ERBB4: variants seen among roughly 807,000 people sequenced by gnomAD.
ERBB4 encodes the protein receptor tyrosine-protein kinase erbB-4.
Under a neutral mutation model 158.0 loss-of-function variants are expected in ERBB4, and 42 were observed. The observed-to-expected ratio is 0.27, with a 90% CI of 0.21 to 0.34. The LOEUF is 0.34. Among genes scored for constraint, ERBB4 ranks in the 10% least tolerant of loss-of-function variants. The pLI, the probability that ERBB4 is intolerant of heterozygous loss-of-function variation, is 1.00. For missense variants in ERBB4, 1,333 were observed against 1,624.1 expected (o/e 0.82, Z 3.08); for synonymous variants, 583 against 558.7 (o/e 1.04, Z -0.61).
At chr2:212,176,232 T>C (rs1463583505) in intron 1 of ERBB4, among the ~76,000 whole-genome samples, 1 of 151,972 alleles carries the variant, frequency 6.6e-6, no homozygotes, top group Non-Finnish European at 1.5e-5. Context: ...GAAGCTGTTA[T>C]AACCAAATGT....
At chr2:211,575,742 T>C (rs1460347223) in intron 19 of ERBB4, among the ~76,000 whole-genome samples, 1 of 152,118 alleles carries the variant, frequency 6.6e-6, no homozygotes, top group Non-Finnish European at 1.5e-5. Flanking sequence ...ATAAACTATA[T>C]CAAACATACC....
chr2:212,229,718 C>T (rs1016946852), intron 1 of ERBB4, among the ~76,000 whole-genome samples: 1 of 151,964 alleles, frequency 6.6e-6, no homozygotes, highest in Admixed American at 6.6e-5. Context: ...ATCTAAGCAA[C>T]AATAAGTGGT....
chr2:212,052,714 G>C (rs1180416538), intron 2 of ERBB4, among the ~76,000 whole-genome samples: 1 of 152,090 alleles, frequency 6.6e-6, no homozygotes, highest in Non-Finnish European at 1.5e-5. Context: ...CTGACTCACA[G>C]GCAAGGGACT....
At chr2:211,784,887 G>T (rs987728271) in intron 4 of ERBB4, among the ~76,000 whole-genome samples, 1 of 151,996 alleles carries the variant, frequency 6.6e-6, no homozygotes, top group African/African-American at 2.4e-5. Flanking sequence ...TTATATGCTT[G>T]TTGGCCCTTT....
At position 211,385,802 on chromosome 2, in the gene ERBB4, G is replaced by A. The variant is rs544627299; in HGVS notation, c.3481+1051C>T. On this transcript the variant is annotated intron_variant, in intron 27 of 27. Transcript: ENST00000342788. ...TTATATAGCTGTCCAATAACTTTAC[G>A]GTTGGAGTGAAAATCTCCCCAGAAA... Among the ~76,000 whole-genome samples, 38 of 152,106 alleles carry A rather than the reference G, an allele frequency of 2.5e-4. No individual in the cohort carries two copies. In the South Asian group the frequency reaches 6.6e-3, roughly 27 times the overall value.
chr2:211,753,259 G>A (rs1438651776), intron 4 of ERBB4, among the ~76,000 whole-genome samples: 16 of 149,502 alleles, frequency 1.1e-4, no homozygotes, highest in East Asian at 3.9e-4. Context: ...AGTTCCCATA[G>A]TAATTATCTG....
chr2:211,701,756 C>CAAAAAAA (rs71409856), intron 12 of ERBB4, among the ~76,000 whole-genome samples: 16 of 66,648 alleles, frequency 2.4e-4, no homozygotes, highest in East Asian at 6.0e-4. Flanking sequence ...GACTCCGTCT[C>CAAAAAAA]AAAAAAAAAA....
At chr2:211,523,833 T>G (rs1268339784) in intron 20 of ERBB4, among the ~76,000 whole-genome samples, 7 of 152,056 alleles carry the variant, frequency 4.6e-5, no homozygotes, top group Middle Eastern at 3.2e-3. Flanking sequence ...GCAGCCTGCT[T>G]TTATTCTCTT....
chr2:211,762,233 T>C (rs748991167), intron 4 of ERBB4, among the ~76,000 whole-genome samples: 1 of 152,146 alleles, frequency 6.6e-6, no homozygotes, highest in Non-Finnish European at 1.5e-5. Context: ...GTTGAAATGA[T>C]CAGTAAGGTA....
intron 1 of ERBB4, among the ~76,000 whole-genome samples, chr2:212,160,825 G>A (rs2081181592): frequency 6.6e-6 from 1 of 151,960 alleles, no homozygotes; most frequent in African/African-American, 2.4e-5. Flanking sequence ...TTTCACCTTT[G>A]TGAGATATCC....
intron 1 of ERBB4, among the ~76,000 whole-genome samples, chr2:212,475,915 T>G (rs903534435): frequency 6.6e-6 from 1 of 152,134 alleles, no homozygotes; most frequent in African/African-American, 2.4e-5. Context: ...CTGAACTATA[T>G]TATTGTAATG....
At chr2:212,241,904 A>G (rs913671777) in intron 1 of ERBB4, among the ~76,000 whole-genome samples, 1 of 152,118 alleles carries the variant, frequency 6.6e-6, no homozygotes, top group African/African-American at 2.4e-5. Context: ...TAAATTTATT[A>G]TATAAGTAAT....
intron 3 of ERBB4, among the ~76,000 whole-genome samples, chr2:211,847,169 A>G (rs1455797994): frequency 6.6e-6 from 1 of 152,142 alleles, no homozygotes; most frequent in East Asian, 1.9e-4. Flanking sequence ...CCAATTATGC[A>G]GGGAGTCAGT....
intron 19 of ERBB4, among the ~76,000 whole-genome samples, chr2:211,571,021 A>G (rs1468921675): frequency 7.3e-6 from 1 of 137,864 alleles, no homozygotes. Context: ...CTGATTTTTC[A>G]CTCTCTGAGT....
intron 1 of ERBB4, among the ~76,000 whole-genome samples, chr2:212,268,929 A>C (rs1024481024): frequency 6.6e-6 from 1 of 151,872 alleles, no homozygotes; most frequent in Non-Finnish European, 1.5e-5. Flanking sequence ...TAGTACTCAA[A>C]ATAATTCCAG....
At chr2:212,076,996 C>T (rs2078295057) in intron 2 of ERBB4, among the ~76,000 whole-genome samples, 2 of 151,726 alleles carry the variant, frequency 1.3e-5, no homozygotes, top group South Asian at 4.1e-4. Flanking sequence ...TTTGAATGAA[C>T]ATGTCAAAAA....
chr2:211,434,939 TCA>T (rs2063818704), intron 20 of ERBB4, among the ~76,000 whole-genome samples: 1 of 152,222 alleles, frequency 6.6e-6, no homozygotes, highest in Non-Finnish European at 1.5e-5. Flanking sequence ...AGTCCTACTT[TCA>T]CACACTGAGA....
At chr2:212,163,235 A>C (rs1209694070) in intron 1 of ERBB4, among the ~76,000 whole-genome samples, 2 of 151,990 alleles carry the variant, frequency 1.3e-5, no homozygotes, top group Non-Finnish European at 2.9e-5. Flanking sequence ...ATACTTTCTA[A>C]TCTTTCATGT....
At chr2:211,709,256 T>C (rs143535022) in intron 9 of ERBB4, among the ~76,000 whole-genome samples, 34,031 of 70,946 alleles carry the variant, frequency 0.48, 5,159 homozygotes, top group Non-Finnish European at 0.57. Flanking sequence ...TATATACACA[T>C]ATATATATAT....
Sources: allele counts gnomAD v4.1 joint callset (sites outside exome capture counted in the v4.1 genomes callset), GRCh38; gene constraint gnomAD v4.1.1; transcripts MANE v1.5; gene names NCBI Gene and HGNC (gene_info 2026-07-23, HGNC 2026-07-21).